ROBO2: variants seen among roughly 807,000 people sequenced by gnomAD.
ROBO2 encodes roundabout guidance receptor 2, also known as roundabout homolog 2.
ROBO2 carries 53 observed loss-of-function variants against 160.8 expected under a neutral mutation model. The observed-to-expected ratio is 0.33, with a 90% confidence interval of 0.26 to 0.41. The LOEUF (loss-of-function observed/expected upper bound fraction) is 0.41, where lower values mean the gene tolerates loss of function less well. Ranked by LOEUF, ROBO2 falls within the 10% of genes least tolerant of loss-of-function variation. ROBO2 has a pLI of 1.00. For synonymous variants in ROBO2, 664 were observed against 611.7 expected, an observed-to-expected ratio of 1.09 and a Z score of -1.26; for missense variants, 1,577 against 1,722.4, an observed-to-expected ratio of 0.92 and a Z score of 1.49.
At chr3:76,186,970 A>G (rs1024547336) in intron 2 of ROBO2, among the ~76,000 whole-genome samples, 7 of 151,684 alleles carry the variant, frequency 4.6e-5, no homozygotes, top group African/African-American at 1.5e-4. Context: ...TTCACTCTCT[A>G]TTTTCTTCTA....
intron 11 of ROBO2, chr3:77,564,662 C>A: frequency 2.0e-6 from 1 of 497,526 alleles, no homozygotes. Flanking sequence ...GCCTCTGTTC[C>A]TTTTACAGGT....
chr3:76,049,531 G>A (rs1026200259), intron 2 of ROBO2, among the ~76,000 whole-genome samples: 4 of 150,288 alleles, frequency 2.7e-5, no homozygotes, highest in Non-Finnish European at 3.0e-5. Context: ...GGCGAGAGCC[G>A]TGGAATCTGG....
intron 2 of ROBO2, among the ~76,000 whole-genome samples, chr3:76,430,774 G>T (rs1285326430): frequency 6.6e-6 from 1 of 151,912 alleles, no homozygotes; most frequent in Non-Finnish European, 1.5e-5. Flanking sequence ...TATAGATACT[G>T]CATGCTTAGT....
chr3:76,640,596 AGT>A (rs59208285), intron 2 of ROBO2, among the ~76,000 whole-genome samples: 49,075 of 146,754 alleles, frequency 0.33, 8,198 homozygotes, highest in Middle Eastern at 0.43. Flanking sequence ...TTTGCGTGTG[AGT>A]GTGTGTGTGT....
At chr3:77,627,714 G>A (rs1374596892) in intron 23 of ROBO2, among the ~76,000 whole-genome samples, 1 of 152,144 alleles carries the variant, frequency 6.6e-6, no homozygotes, top group Admixed American at 6.5e-5. Flanking sequence ...AAAGACATTT[G>A]TAGCTGCAGC....
intron 2 of ROBO2, among the ~76,000 whole-genome samples, chr3:76,503,983 T>C (rs1319253127): frequency 6.6e-6 from 1 of 152,234 alleles, no homozygotes; most frequent in Non-Finnish European, 1.5e-5. Context: ...TAACTAGAGT[T>C]AAGCTCAGAT....
intron 2 of ROBO2, among the ~76,000 whole-genome samples, chr3:76,589,063 A>G (rs1450726173): frequency 6.6e-6 from 1 of 152,174 alleles, no homozygotes; most frequent in Non-Finnish European, 1.5e-5. Context: ...AACACTAATA[A>G]TGTATTGCAC....
At chr3:76,465,359 T>C (rs571790547) in intron 2 of ROBO2, among the ~76,000 whole-genome samples, 8 of 152,180 alleles carry the variant, frequency 5.3e-5, no homozygotes, top group Admixed American at 1.3e-4. Context: ...ATTGTAAATA[T>C]GAAAAAATAG....
intron 2 of ROBO2, among the ~76,000 whole-genome samples, chr3:77,396,865 T>C (rs2075333788): frequency 6.6e-6 from 1 of 152,134 alleles, no homozygotes; most frequent in Non-Finnish European, 1.5e-5. Flanking sequence ...TATGAACCTA[T>C]AAGTAGAACA....
At chr3:76,488,495 A>G (rs2079622138) in intron 2 of ROBO2, among the ~76,000 whole-genome samples, 1 of 152,252 alleles carries the variant, frequency 6.6e-6, no homozygotes, top group South Asian at 2.1e-4. Flanking sequence ...TCTCCACAGC[A>G]TATCAGCTGC....
chr3:77,293,603 C>G (rs2061599764), intron 2 of ROBO2, among the ~76,000 whole-genome samples: 1 of 138,722 alleles, frequency 7.2e-6, no homozygotes, highest in Non-Finnish European at 1.5e-5. Flanking sequence ...TAGATCACCC[C>G]AGACACAAAG....
intron 2 of ROBO2, among the ~76,000 whole-genome samples, chr3:76,607,096 G>A (rs542231058): frequency 1.4e-3 from 215 of 152,192 alleles, no homozygotes; most frequent in African/African-American, 4.6e-3. Flanking sequence ...AGCCTAGAGC[G>A]CCGTGGCTAG....
At chr3:76,835,627 A>G (rs1001888249) in intron 2 of ROBO2, among the ~76,000 whole-genome samples, 1 of 151,730 alleles carries the variant, frequency 6.6e-6, no homozygotes, top group African/African-American at 2.4e-5. Flanking sequence ...CCAGGTACCA[A>G]ATAATTTGCA....
intron 20 of ROBO2, chr3:77,602,854 T>G: frequency 2.1e-6 from 1 of 467,278 alleles, no homozygotes; most frequent in Non-Finnish European, 4.3e-6. Context: ...GCTTCTGAGT[T>G]GCTAACTGCA....
rs543240863 is a variant in ROBO2, at chr3:76,767,795, T to G, written c.110-330219T>G. Among the ~76,000 whole-genome samples the G allele has an allele frequency of 1.2e-4, 18 of 151,660 alleles. 1 individual carries two copies. The East Asian group carries it at 3.5e-3, about 30-fold the overall frequency. On this transcript the variant is annotated intron_variant, in intron 2 of 26. Transcript: ENST00000487694. ...AGATGTTTTAGCTTCCACTTCAATATGTGTAAGGATCCATTTATATATACA... is the reference window on the plus strand; with the variant it reads ...AGATGTTTTAGCTTCCACTTCAATAGGTGTAAGGATCCATTTATATATACA...
chr3:77,264,354 C>T (rs750149036), intron 2 of ROBO2, among the ~76,000 whole-genome samples: 5 of 152,048 alleles, frequency 3.3e-5, no homozygotes, highest in Non-Finnish European at 7.4e-5. Flanking sequence ...CATTGTTCGC[C>T]GAATCCATCT....
At chr3:77,013,857 C>G (rs2062063375) in intron 2 of ROBO2, among the ~76,000 whole-genome samples, 1 of 152,332 alleles carries the variant, frequency 6.6e-6, no homozygotes, top group Non-Finnish European at 1.5e-5. Flanking sequence ...TTTTGATACA[C>G]TTTCGTTTCT....
intron 15 of ROBO2, 38 bp from the exon 17 acceptor site, chr3:77,579,909 T>A: frequency 6.4e-7 from 1 of 1,569,774 alleles, no homozygotes; most frequent in Non-Finnish European, 8.8e-7. Context: ...GAAACGATAA[T>A]CTTATATCCA....
chr3:76,738,015 T>G (rs933205740), intron 2 of ROBO2, among the ~76,000 whole-genome samples: 1 of 152,000 alleles, frequency 6.6e-6, no homozygotes, highest in African/African-American at 2.4e-5. Context: ...ATGCCTGTAG[T>G]CCTAGCTACC....
Sources: gnomAD v4.1 joint callset for allele counts (sites outside exome capture counted in the v4.1 genomes callset) on GRCh38, gnomAD v4.1.1 for gene constraint, MANE v1.5 for transcripts, NCBI Gene and HGNC (gene_info 2026-07-23, HGNC 2026-07-21) for gene names.